SLC38A10: variants seen among roughly 807,000 people sequenced by gnomAD.
SLC38A10 encodes the protein Sodium-coupled neutral amino acid transporter 10.
A neutral mutation model predicts 81.0 loss-of-function variants in SLC38A10; 53 were observed. The observed-to-expected ratio is 0.65, with a 90% CI of 0.53 to 0.82. SLC38A10 has a LOEUF of 0.82. SLC38A10 is among the 40% of genes least tolerant of loss of function. The pLI is 0.00. For synonymous variants in SLC38A10, 665 were observed against 655.3 expected (o/e 1.01, Z -0.23); for missense variants, 1,471 against 1,545.0 (o/e 0.95, Z 0.80).
In SLC38A10 at chr17:81,272,504, C is replaced by A; in HGVS notation, c.1024+12G>T. The A allele has an allele frequency of 6.3e-7, 1 of 1,575,830 alleles. No individual in the cohort carries two copies. The highest frequency in any genetic ancestry group is 1.2e-5 in the South Asian group (1 of 85,890). On this transcript the variant is annotated intron_variant, in intron 9 of 15. Transcript: ENST00000374759. The stretch of plus-strand genomic sequence containing the variant: ...CCCACTCCCCGGCAACAGGGCAGCC[C>A]TCCCGCCTTACCGTTGGGGATAAGG...
At position 81,246,443 on chromosome 17, in the gene SLC38A10, CTG is replaced by C; in HGVS notation, c.2471_2472del (p.Thr824ArgfsTer142). On this transcript the variant is annotated frameshift_variant, in exon 16 of 16. Coordinates refer to ENST00000374759, the MANE Select transcript of SLC38A10 (RefSeq NM_001037984.3). LOFTEE classifies it low-confidence loss of function (END_TRUNC). The part of the protein sequence containing the change: ...PAGPPDGGPD[T>X]EPRAAQAKLR... ...AGCTTGGCCTGGGCTGCCCGAGGCT[CTG>C]TGTCAGGGCCGCCGTCAGGAGGGCC... 1.9e-6 allele frequency: 3 copies of C among 1,594,128 alleles called. No individual in the cohort carries two copies. Among genetic ancestry groups the C allele is most frequent in the Non-Finnish European group, 2.6e-6 (3 of 1,170,650 alleles).
At chr17:81,284,929 C>A in intron 2 of SLC38A10, 34 bp from the exon 3 acceptor site, 1 of 1,532,098 alleles carries the variant, frequency 6.5e-7, no homozygotes, top group Admixed American at 2.0e-5. Flanking sequence ...CTCAATCCAA[C>A]AGCGTGAGAA....
At position 81,245,388 on chromosome 17, in the gene SLC38A10, C is replaced by T; in HGVS notation, c.*168G>A. On this transcript the variant is annotated 3_prime_UTR_variant, in exon 16 of 16. Transcript: ENST00000374759. ...CAGCAAGAACATTCTGGAAACGATG[C>T]CACAGTGAATCTTTTATACTGTCAC... is the stretch of plus-strand genomic sequence containing the variant. The T allele has an allele frequency of 1.2e-6, 1 of 826,462 alleles. No individual in the cohort carries two copies. Among genetic ancestry groups the T allele is most frequent in the Non-Finnish European group, 1.8e-6 (1 of 546,804 alleles). The allele number at this position is 826,462 out of a possible 1,614,324, so 51.2% of individuals were successfully genotyped here. A position where few individuals can be genotyped will look rare whatever the true frequency, so the allele number is the denominator to read the frequency against.
chr17:81,273,705 C>G (rs1268572298), intron 8 of SLC38A10, among the ~76,000 whole-genome samples: 2 of 152,172 alleles, frequency 1.3e-5, no homozygotes, highest in South Asian at 2.1e-4. Context: ...GGTCCTAGAA[C>G]TTTACCTATG....
rs551471525 is a variant in SLC38A10 at position 81,289,794 on chromosome 17, C to A, written c.114G>T (p.Leu38=). ...PFCFKQCGIV[L]GALLLVFCSW... ...AGCAGAAGACCAAGAGCAGCGCCCC[C>A]AGGACGATGCCGCACTGCAGGGTGG... Residue 38 remains leucine (L), a synonymous_variant, in exon 2 of 16, where the codon CTG becomes CTT. Transcript: ENST00000374759. This position sits in a 1 kb window ranked among gnomAD's most constrained non-coding sequence, Gnocchi z 5.9. The A allele has an allele frequency of 1.7e-4, 270 of 1,601,810 alleles. 3 individuals carry two copies. In the South Asian group the frequency reaches 2.8e-3, roughly 17 times the overall value.
chr17:81,287,629 G>A (rs2063278584), intron 2 of SLC38A10, among the ~76,000 whole-genome samples: 1 of 152,224 alleles, frequency 6.6e-6, no homozygotes, highest in African/African-American at 2.4e-5. Context: ...TTTCTGGCAG[G>A]CAGAAGTGGA....
chr17:81,287,180 C>G (rs756774421), intron 2 of SLC38A10, among the ~76,000 whole-genome samples: 5 of 152,214 alleles, frequency 3.3e-5, no homozygotes, highest in Admixed American at 1.3e-4. Flanking sequence ...GCACATGGCA[C>G]TGGAGGACAG....
chr17:81,293,020 C>T (rs145696224), intron 1 of SLC38A10, among the ~76,000 whole-genome samples: 577 of 152,148 alleles, frequency 3.8e-3, no homozygotes, highest in African/African-American at 0.013. Context: ...ATAAATTAGC[C>T]GGCGTGGTGG....
At chr17:81,268,662 T>C (rs1306510703) in intron 10 of SLC38A10, among the ~76,000 whole-genome samples, 7 of 152,076 alleles carry the variant, frequency 4.6e-5, no homozygotes, top group South Asian at 4.1e-4. Flanking sequence ...ATTAGAAGAA[T>C]AGAAATGTAC....
In SLC38A10 at chr17:81,245,737, G is replaced by T. The variant is rs750636855; in HGVS notation, c.3179C>A (p.Ala1060Glu). ...RRRRRDLGPH[A>E]EGQLAPRDGV... ...ATCCCTCGGGGCCAGCTGACCCTCT[G>T]CATGAGGGCCAAGGTCCCGCCGTCG... The change falls in exon 16 of 16, where the codon GCA (alanine) becomes GAA (glutamate). Residue 1060 changes from alanine to glutamate, a missense_variant. Physicochemically the swap from Ala to Glu is moderately radical, Grantham distance 107. Coordinates refer to ENST00000374759, the MANE Select transcript of SLC38A10 (RefSeq NM_001037984.3). 21 of 1,596,724 alleles carry T rather than the reference G, an allele frequency of 1.3e-5. No homozygotes were observed. Among genetic ancestry groups the T allele is most frequent in the Non-Finnish European group, 1.7e-5 (20 of 1,167,798 alleles).
At position 81,294,867 on chromosome 17, in the gene SLC38A10, T is replaced by C. The variant is rs2063336259; in HGVS notation, c.55A>G (p.Ile19Val). 9 of 1,599,202 alleles carry C rather than the reference T, an allele frequency of 5.6e-6. No individual in the cohort carries two copies. The highest frequency in any genetic ancestry group is 7.7e-6 in the Non-Finnish European group (9 of 1,174,118). ...ATGGTGAGGACACTGACCCCTACGATGCTGTTCACGATGTTCGTGATCAGC... is the reference window on the plus strand; with the variant it reads ...ATGGTGAGGACACTGACCCCTACGACGCTGTTCACGATGTTCGTGATCAGC... ...WGLITNIVNS[I>V]VGVSVLTMPF... The change falls in exon 1 of 16, where the codon ATC becomes GTC. Residue 19 changes from isoleucine (I) to valine (V), a missense_variant. Physicochemically the swap from Ile to Val is conservative, Grantham distance 29 (BLOSUM62 3). This residue lies in a region of SLC38A10 where 720 missense variants were observed against 827.7 expected (regional missense o/e 0.87). Coordinates refer to ENST00000374759, the MANE Select transcript of SLC38A10 (RefSeq NM_001037984.3).
In SLC38A10 at chr17:81,280,666, C is replaced by A. The variant is rs199792231; in HGVS notation, c.569G>T (p.Arg190Leu). The A allele has an allele frequency of 1.2e-6, 2 of 1,610,530 alleles. No individual in the cohort carries two copies. The highest frequency in any genetic ancestry group is 1.7e-5 in the Admixed American group (1 of 59,844). Residue 190 changes from arginine (R) to leucine (L), a missense_variant, in exon 6 of 16, where the codon CGC becomes CTC. Around this residue, in one of 2 missense-constraint regions of SLC38A10, gnomAD observed 720 missense variants for 827.7 expected, o/e 0.87. Transcript: ENST00000374759. ...GQWLRRVSYVRWEGVFRCIPI... is the reference protein window; with the variant it reads ...GQWLRRVSYVLWEGVFRCIPI... ...GATGCAGCGGAAGACGCCCTCCCAG[C>A]GGACGTAGCTGACCCGCCGCAGCCA...
In SLC38A10 at chr17:81,280,684, C is replaced by T. The variant is rs773214381; in HGVS notation, c.551G>A (p.Arg184Gln). The change falls in exon 6 of 16, where the codon CGG (arginine) becomes CAG (glutamine). Residue 184 changes from arginine (R) to glutamine (Q), a missense_variant. Arg to Gln is a conservative substitution (Grantham distance 43). Coordinates refer to ENST00000374759, the MANE Select transcript of SLC38A10 (RefSeq NM_001037984.3). ...CTCCCAGCGGACGTAGCTGACCCGC[C>T]GCAGCCACTGCCCACTGAAGAGGCC... ...KHGLFSGQWL[R>Q]RVSYVRWEGV... 17 of 1,613,372 alleles carry T rather than the reference C, an allele frequency of 1.1e-5. No homozygotes were observed. Among genetic ancestry groups the T allele is most frequent in the Admixed American group, 6.7e-5 (4 of 59,994 alleles).
Position 81,294,864 on chromosome 17 carries a change from C to T in SLC38A10, c.58G>A (p.Val20Ile). 1.3e-6 allele frequency: 2 copies of T among 1,599,276 alleles called. No individual in the cohort carries two copies. Among genetic ancestry groups the T allele is most frequent in the Non-Finnish European group, 1.7e-6 (2 of 1,174,132 alleles). ...GGCATGGTGAGGACACTGACCCCTA[C>T]GATGCTGTTCACGATGTTCGTGATC... Reference protein sequence around the residue: ...GLITNIVNSIVGVSVLTMPFC... With the variant: ...GLITNIVNSIIGVSVLTMPFC... Residue 20 changes from valine (V) to isoleucine (I), a missense_variant, in exon 1 of 16, where the codon GTA becomes ATA. Val to Ile is a conservative substitution (Grantham distance 29, BLOSUM62 3). This residue lies in a region of SLC38A10 where 720 missense variants were observed against 827.7 expected (regional missense o/e 0.87). Coordinates refer to ENST00000374759, the MANE Select transcript of SLC38A10 (RefSeq NM_001037984.3).
rs1437724076 is a variant in SLC38A10 at position 81,265,355 on chromosome 17, G to A, written c.1132-4961C>T. 6.6e-6 allele frequency: 1 copy of A among 152,254 alleles called. No individual in the cohort carries two copies. Among genetic ancestry groups the A allele is most frequent in the African/African-American group, 2.4e-5 (1 of 41,440 alleles). The allele number at this position is 152,254 out of a possible 1,614,324, so 9.4% of individuals were successfully genotyped here. On this transcript the variant is annotated intron_variant, in intron 10 of 15. Transcript: ENST00000374759. This position sits in a 1 kb window ranked among gnomAD's most constrained non-coding sequence, Gnocchi z 4.2. Reference sequence around the variant, plus strand: ...GCTGAGATCACACCACTGCACCCCAGCCTGGGCGACAGAGCGAGACTCTGT... The same window carrying A: ...GCTGAGATCACACCACTGCACCCCAACCTGGGCGACAGAGCGAGACTCTGT...
At chr17:81,247,259 CG>C (rs2062861118) in intron 14 of SLC38A10, 198 bp from the exon 15 acceptor site, 1 of 499,374 alleles carries the variant, frequency 2.0e-6, no homozygotes, top group African/African-American at 2.0e-5. Context: ...CCTGAGGGCC[CG>C]GGAGAGGCTG....
rs899731866 is a variant in SLC38A10 at position 81,289,987 on chromosome 17, G to A, written c.100-179C>T. 3.3e-5 allele frequency among the ~76,000 whole-genome samples: 5 copies of A among 152,194 alleles called. No homozygotes were observed. Among genetic ancestry groups the A allele is most frequent in the Non-Finnish European group, 5.9e-5 (4 of 68,038 alleles). ...GCCATTTCCTTGCTGTGGTGGCCGC[G>A]CGCCTTGTCCAGGGATGAAGCTGTA... On this transcript the variant is annotated intron_variant, in intron 1 of 15. Coordinates refer to ENST00000374759, the MANE Select transcript of SLC38A10 (RefSeq NM_001037984.3). This position sits in a 1 kb window ranked among gnomAD's most constrained non-coding sequence, Gnocchi z 5.9.
intron 14 of SLC38A10, among the ~76,000 whole-genome samples, chr17:81,250,327 G>A (rs9900526): frequency 0.2 from 30,964 of 152,274 alleles, 3,395 homozygotes; most frequent in Non-Finnish European, 0.23. Context: ...TCTGCCTTCC[G>A]CGCTGCAGGT....
intron 14 of SLC38A10, among the ~76,000 whole-genome samples, chr17:81,250,696 GC>G (rs1289473966): frequency 2.6e-5 from 4 of 152,220 alleles, no homozygotes; most frequent in African/African-American, 9.6e-5. Flanking sequence ...CTTTTGGTGA[GC>G]GGGGGCCCAG....
Sources: gnomAD v4.1 joint callset for allele counts (sites outside exome capture counted in the v4.1 genomes callset) on GRCh38, gnomAD v4.1.1 for gene constraint, gnomAD v4.1.1 regional missense constraint, Gnocchi (gnomAD v3.1) non-coding constraint, MANE v1.5 for transcripts, NCBI Gene and HGNC (gene_info 2026-07-23, HGNC 2026-07-21) for gene names.